NCKAP1L: variants seen among roughly 807,000 people sequenced by gnomAD.
NCKAP1L encodes the protein NCK associated protein 1 like, also known as nck-associated protein 1-like.
In NCKAP1L, 53 loss-of-function variants were observed where a neutral mutation model predicts 139.2. The observed-to-expected ratio is 0.38, with a 90% CI of 0.31 to 0.48. The LOEUF is 0.48. NCKAP1L is among the 20% of genes least tolerant of loss of function. NCKAP1L has a pLI of 0.98. For missense variants in NCKAP1L, 1,151 were observed against 1,381.9 expected (o/e 0.83, Z 2.65); for synonymous variants, 468 against 499.7 (o/e 0.94, Z 0.85).
chr12:54,514,141 T>C (rs1437203893), intron 9 of NCKAP1L, among the ~76,000 whole-genome samples: 2 of 152,204 alleles, frequency 1.3e-5, no homozygotes, highest in Non-Finnish European at 2.9e-5. Context: ...TATCAGTCTA[T>C]AGAGACTTAT....
intron 21 of NCKAP1L, 58 bp downstream of exon 21, chr12:54,526,804 C>A: frequency 6.8e-7 from 1 of 1,463,366 alleles, no homozygotes; most frequent in Admixed American, 1.9e-5. Context: ...TTTTCCTTTA[C>A]ACGGTAGGAC....
chr12:54,508,866 A>C (rs1956863517), intron 5 of NCKAP1L, among the ~76,000 whole-genome samples: 1 of 152,204 alleles, frequency 6.6e-6, no homozygotes, highest in African/African-American at 2.4e-5. Flanking sequence ...TTCAGTATGC[A>C]CGGGATATTG....
intron 20 of NCKAP1L, among the ~76,000 whole-genome samples, 160 bp from the exon 21 acceptor site, chr12:54,526,368 A>G (rs1451121868): frequency 6.6e-6 from 1 of 152,218 alleles, no homozygotes; most frequent in African/African-American, 2.4e-5. Flanking sequence ...AATGAGGATA[A>G]TAACTGTCTC....
chr12:54,512,235 C>T (rs1275353880), intron 9 of NCKAP1L, 130 bp downstream of exon 9: 3 of 922,424 alleles, frequency 3.3e-6, no homozygotes, highest in South Asian at 1.8e-5. Context: ...AAGAAATATA[C>T]ATTAAATACC....
chr12:54,497,980 C>A, intron 1 of NCKAP1L, 89 bp downstream of exon 1: 1 of 774,176 alleles, frequency 1.3e-6, no homozygotes, highest in Non-Finnish European at 2.3e-6. Flanking sequence ...GTTAGACTCC[C>A]ACCTTTTTTT....
intron 3 of NCKAP1L, among the ~76,000 whole-genome samples, chr12:54,501,236 CAT>C (rs1956795603): frequency 6.6e-6 from 1 of 152,114 alleles, no homozygotes; most frequent in African/African-American, 2.4e-5. Flanking sequence ...TGGCTTATTT[CAT>C]CAGCCTAATG....
chr12:54,527,045 A>G (rs1957032444), intron 21 of NCKAP1L, among the ~76,000 whole-genome samples: 1 of 152,008 alleles, frequency 6.6e-6, no homozygotes, highest in African/African-American at 2.4e-5. Context: ...TACTGTTTCA[A>G]TTTCAAATGA....
chr12:54,506,796 A>AAAAAAAAAAATAT, intron 3 of NCKAP1L, among the ~76,000 whole-genome samples: 106 of 50,600 alleles, frequency 2.1e-3, no homozygotes, highest in Non-Finnish European at 2.7e-3. Context: ...AAAAAAAAAA[A>AAAAAAAAAAATAT]ATATATATAT....
At position 54,499,449 on chromosome 12, in the gene NCKAP1L, A is replaced by G; in HGVS notation, c.197A>G (p.Asp66Gly). 6.3e-7 allele frequency: 1 copy of G among 1,587,856 alleles called. No individual in the cohort carries two copies. Among genetic ancestry groups the G allele is most frequent in the Non-Finnish European group, 8.6e-7 (1 of 1,156,150 alleles). Residue 66 changes from aspartate (D) to glycine (G), a missense_variant, in exon 2 of 31, where the codon GAT becomes GGT. Transcript: ENST00000293373. ...ATCAACAAGAAATTTCCCAACATAG[A>G]TGTCCGAAACAGCACGGTGAGAACT... ...KYINKKFPNI[D>G]VRNSTQHLGP...
chr12:54,526,076 A>G (rs1344543570), intron 20 of NCKAP1L, among the ~76,000 whole-genome samples: 7 of 152,214 alleles, frequency 4.6e-5, no homozygotes, highest in African/African-American at 1.7e-4. Context: ...ATTTCTAAGC[A>G]TGGTTTTCCA....
At chr12:54,539,797 G>T (rs543052351) in intron 30 of NCKAP1L, among the ~76,000 whole-genome samples, 3 of 152,108 alleles carry the variant, frequency 2.0e-5, no homozygotes, top group Non-Finnish European at 4.4e-5. Context: ...AGGCCCATAC[G>T]AGAGATATCT....
At chr12:54,517,738 A>G (rs751554917) in intron 12 of NCKAP1L, 68 bp from the exon 13 acceptor site, 23 of 1,602,974 alleles carry the variant, frequency 1.4e-5, no homozygotes, top group Admixed American at 5.0e-5. Flanking sequence ...CTGCCCTGAT[A>G]TCACTGTGTT....
intron 21 of NCKAP1L, among the ~76,000 whole-genome samples, chr12:54,527,369 A>C (rs1957034837): frequency 6.6e-6 from 1 of 152,196 alleles, no homozygotes; most frequent in African/African-American, 2.4e-5. Flanking sequence ...AGGGGAAACA[A>C]AGTTTGCAAA....
chr12:54,513,931 T>G (rs1172823276), intron 9 of NCKAP1L, among the ~76,000 whole-genome samples: 1 of 151,974 alleles, frequency 6.6e-6, no homozygotes, highest in East Asian at 1.9e-4. Context: ...TTGACTACAC[T>G]ATCACCTCCC....
In NCKAP1L at chr12:54,519,256, C is replaced by G; in HGVS notation, c.1549C>G (p.Leu517Val). ...CCCTGACTTAGCCAAGGTGATGAAC[C>G]TCATTGTCTTCCACTCCCGAATGCT... Reference protein sequence around the residue: ...ENPDLAKVMNLIVFHSRMLDS... With the variant: ...ENPDLAKVMNVIVFHSRMLDS... Residue 517 changes from leucine (L) to valine (V), a missense_variant, in exon 16 of 31, where the codon CTC (leucine) becomes GTC (valine). Leu to Val is a conservative substitution (Grantham distance 32). Coordinates refer to ENST00000293373, the MANE Select transcript of NCKAP1L (RefSeq NM_005337.5). 6.3e-7 allele frequency: 1 copy of G among 1,591,516 alleles called. No individual in the cohort carries two copies. Among genetic ancestry groups the G allele is most frequent in the East Asian group, 2.2e-5 (1 of 44,802 alleles).
Position 54,532,224 on chromosome 12 carries a change from T to C in NCKAP1L, c.2836T>C (p.Phe946Leu). ...LMGPIECLKEFVTPDTDIKVT... is the reference protein window; with the variant it reads ...LMGPIECLKELVTPDTDIKVT... ...GGGTCCCATTGAGTGCTTGAAGGAG[T>C]TTGTCACTCCAGACACAGACATCAA... is the stretch of plus-strand genomic sequence containing the variant. Residue 946 changes from phenylalanine to leucine, a missense_variant, in exon 26 of 31, where the codon TTT (phenylalanine) becomes CTT (leucine). Coordinates refer to ENST00000293373, the MANE Select transcript of NCKAP1L (RefSeq NM_005337.5). The C allele has an allele frequency of 1.2e-6, 2 of 1,612,664 alleles. No individual in the cohort carries two copies. Among genetic ancestry groups the C allele is most frequent in the Non-Finnish European group, 1.7e-6 (2 of 1,179,434 alleles).
At chr12:54,503,267 T>C (rs73310351) in intron 3 of NCKAP1L, among the ~76,000 whole-genome samples, 2,572 of 152,186 alleles carry the variant, frequency 0.017, 81 homozygotes, top group African/African-American at 0.059. Context: ...ATATTTTATT[T>C]GAATTTTAAA....
In NCKAP1L at chr12:54,516,752, T is replaced by C. The variant is rs987367432; in HGVS notation, c.999-144T>C. On this transcript the variant is annotated intron_variant, in intron 10 of 30. Coordinates refer to ENST00000293373, the MANE Select transcript of NCKAP1L (RefSeq NM_005337.5). ...AGAGCCACCACTCCTGGCCCTTTTT[T>C]CTTTTTTAAACCAAGTCTAACTTGA... The C allele has an allele frequency of 1.3e-4, 88 of 672,626 alleles. No homozygotes were observed. The African/African-American group carries it at 1.6e-3, about 12-fold the overall frequency. 41.7% of individuals were successfully genotyped at this position (672,626 alleles called of 1,614,324 possible). A position where few individuals can be genotyped will look rare whatever the true frequency, so the allele number is the denominator to read the frequency against.
intron 30 of NCKAP1L, among the ~76,000 whole-genome samples, chr12:54,539,241 C>T (rs1957138458): frequency 6.6e-6 from 1 of 152,220 alleles, no homozygotes; most frequent in Admixed American, 6.5e-5. Context: ...CTGCAATGTT[C>T]CCGAGTCTGA....
Sources: gnomAD v4.1 joint callset for allele counts (sites outside exome capture counted in the v4.1 genomes callset) on GRCh38, gnomAD v4.1.1 for gene constraint, MANE v1.5 for transcripts, NCBI Gene and HGNC (gene_info 2026-07-23, HGNC 2026-07-21) for gene names.